Variants in MYO16 observed in about 807,000 individuals in gnomAD.
MYO16 encodes myosin XVI, also known as unconventional myosin-XVI.
A neutral mutation model predicts 205.3 loss-of-function variants in MYO16; 94 were observed. The observed-to-expected ratio is 0.46, with a 90% CI of 0.39 to 0.54. The LOEUF (loss-of-function observed/expected upper bound fraction) is 0.54, where lower values mean the gene tolerates loss of function less well. Among genes scored for constraint, MYO16 ranks in the 20% least tolerant of loss-of-function variants. The probability of loss-of-function intolerance (pLI) is 0.00; values close to 1 mark genes in which losing one functional copy is unlikely to be tolerated. For synonymous variants in MYO16, 988 were observed against 954.0 expected (o/e 1.04, Z -0.66); for missense variants, 2,315 against 2,387.5 (o/e 0.97, Z 0.63).
intron 15 of MYO16, among the ~76,000 whole-genome samples, chr13:108,907,418 G>A (rs1881041010): frequency 6.6e-6 from 1 of 152,182 alleles, no homozygotes; most frequent in South Asian, 2.1e-4. Flanking sequence ...TGAGAAGTCA[G>A]GAGCTCAGTT....
chr13:108,683,342 C>T (rs1049156728), intron 2 of MYO16, among the ~76,000 whole-genome samples: 12 of 100,240 alleles, frequency 1.2e-4, no homozygotes, highest in Middle Eastern at 0.01. Flanking sequence ...CTTCCCTTTC[C>T]TTCCTTCCTC....
intron 21 of MYO16, among the ~76,000 whole-genome samples, chr13:109,005,179 A>G (rs1885349558): frequency 6.6e-6 from 1 of 152,174 alleles, no homozygotes; most frequent in Non-Finnish European, 1.5e-5. Flanking sequence ...AAATCCTCTC[A>G]AGTTCTTTAG....
intron 8 of MYO16, among the ~76,000 whole-genome samples, chr13:108,822,034 T>A (rs1371779604): frequency 6.6e-6 from 1 of 152,032 alleles, no homozygotes; most frequent in Non-Finnish European, 1.5e-5. Context: ...AGCAAGAAGA[T>A]AAAACTAGAT....
At chr13:109,114,226 C>CA (rs1441837446) in intron 28 of MYO16, among the ~76,000 whole-genome samples, 1 of 152,126 alleles carries the variant, frequency 6.6e-6, no homozygotes, top group African/African-American at 2.4e-5. Context: ...ATGTGGTCCA[C>CA]AGACCACCGT....
At chr13:108,995,623 T>C (rs1175863743) in intron 21 of MYO16, among the ~76,000 whole-genome samples, 3 of 152,048 alleles carry the variant, frequency 2.0e-5, no homozygotes, top group Non-Finnish European at 2.9e-5. Flanking sequence ...TGGTGTGTGA[T>C]GTTCCCCTTC....
chr13:109,163,687 T>A lies in MYO16; in HGVS notation c.5165-1214T>A, dbSNP rs114405487. ...CATGGAAATGACATAATCCAATTTG[T>A]CTTTTAATGAAAAATAAAGACTGAA... On this transcript the variant is annotated intron_variant, in intron 32 of 34. Transcript: ENST00000457511. Among the ~76,000 whole-genome samples, 1,092 of 152,236 alleles carry A rather than the reference T, an allele frequency of 7.2e-3. 19 individuals are homozygous for A. The highest frequency in any genetic ancestry group is 0.025 in the African/African-American group (1,052 of 41,532).
chr13:108,650,938 G>C (rs1332177641), intron 1 of MYO16, among the ~76,000 whole-genome samples: 1 of 152,188 alleles, frequency 6.6e-6, no homozygotes, highest in Non-Finnish European at 1.5e-5. Context: ...TAAGTCAGTA[G>C]CTACGATGGG....
intron 16 of MYO16, among the ~76,000 whole-genome samples, chr13:108,953,576 T>A (rs1210033335): frequency 6.6e-6 from 1 of 152,030 alleles, no homozygotes; most frequent in Non-Finnish European, 1.5e-5. Flanking sequence ...TTTGTTTTTT[T>A]TTTTTTAGAA....
intron 7 of MYO16, among the ~76,000 whole-genome samples, chr13:108,819,996 C>T (rs1200909284): frequency 6.6e-6 from 1 of 152,168 alleles, no homozygotes; most frequent in Non-Finnish European, 1.5e-5. Flanking sequence ...TTCAGTGTAA[C>T]TTACTTTAAA....
chr13:109,122,378 A>G (rs139181996), intron 29 of MYO16, among the ~76,000 whole-genome samples: 2 of 152,306 alleles, frequency 1.3e-5, no homozygotes, highest in African/African-American at 4.8e-5. Flanking sequence ...AAAGATAAAA[A>G]TTAAGAATGG....
intron 27 of MYO16, among the ~76,000 whole-genome samples, chr13:109,078,451 C>T (rs1178265993): frequency 1.3e-5 from 2 of 151,994 alleles, no homozygotes; most frequent in Non-Finnish European, 2.9e-5. Flanking sequence ...AAAAATTCTG[C>T]ATGTCTTTAA....
chr13:109,048,432 G>C, intron 24 of MYO16: 1 of 645,412 alleles, frequency 1.5e-6, no homozygotes, highest in Middle Eastern at 2.5e-4. Flanking sequence ...TAAAGGGCTA[G>C]AGAATAAATA....
chr13:109,080,159 G>A (rs1045764303), intron 27 of MYO16, among the ~76,000 whole-genome samples: 13 of 152,140 alleles, frequency 8.5e-5, no homozygotes, highest in African/African-American at 3.1e-4. Context: ...ACAGGCATGA[G>A]CCACCATGTC....
Position 108,733,962 on chromosome 13 carries a change from C to T in MYO16, c.507+6379C>T, listed in dbSNP as rs377197119. ...CCAGCCTGGGCGACAGAATGAGACTCCGTCTCAAAAAAAAATAAATAAATA... is the reference window on the plus strand; with the variant it reads ...CCAGCCTGGGCGACAGAATGAGACTTCGTCTCAAAAAAAAATAAATAAATA... On this transcript the variant is annotated intron_variant, in intron 4 of 34. Coordinates refer to ENST00000457511, the MANE Select transcript of MYO16 (RefSeq NM_001198950.3). Among the ~76,000 whole-genome samples the T allele has an allele frequency of 1.4e-4, 21 of 152,170 alleles. No homozygotes were observed. In the South Asian group the frequency reaches 2.9e-3, roughly 21 times the overall value.
At chr13:108,705,704 AT>A (rs1183590040) in intron 2 of MYO16, among the ~76,000 whole-genome samples, 2 of 152,200 alleles carry the variant, frequency 1.3e-5, no homozygotes, top group African/African-American at 4.8e-5. Context: ...TATACTGTAT[AT>A]TAGAATCAAA....
chr13:108,940,058 A>G (rs1210910688), intron 16 of MYO16, among the ~76,000 whole-genome samples: 1 of 152,212 alleles, frequency 6.6e-6, no homozygotes, highest in Non-Finnish European at 1.5e-5. Flanking sequence ...ATACATTACC[A>G]TGGTAAAATA....
the MYO16 span, among the ~76,000 whole-genome samples, chr13:108,566,665 A>AGAAG: frequency 7.3e-5 from 11 of 149,888 alleles, no homozygotes; most frequent in East Asian, 4.0e-4. Context: ...AAAGAAGGAA[A>AGAAG]GAAGGAAGGA....
chr13:109,018,628 A>T (rs1322229798), intron 22 of MYO16, among the ~76,000 whole-genome samples: 1 of 152,214 alleles, frequency 6.6e-6, no homozygotes, highest in Non-Finnish European at 1.5e-5. Flanking sequence ...CGTTGAGCGA[A>T]GCATGGGATA....
intron 20 of MYO16, among the ~76,000 whole-genome samples, chr13:108,968,067 C>A (rs147452745): frequency 2.4e-3 from 361 of 152,308 alleles, no homozygotes; most frequent in African/African-American, 8.4e-3. Flanking sequence ...TGATTACAGT[C>A]TCCAGTAACG....
Sources: gnomAD v4.1 joint callset for allele counts (sites outside exome capture counted in the v4.1 genomes callset) on GRCh38, gnomAD v4.1.1 for gene constraint, MANE v1.5 for transcripts, NCBI Gene and HGNC (gene_info 2026-07-23, HGNC 2026-07-21) for gene names.